The following PLEKHB2 variants were observed in gnomAD, a reference collection of about 807,000 sequenced individuals.
PLEKHB2 encodes pleckstrin homology domain-containing family B member 2.
A neutral mutation model predicts 36.5 loss-of-function variants in PLEKHB2; 31 were observed. That is an observed-to-expected ratio of 0.85 (90% CI 0.64 to 1.15). The LOEUF is 1.15. PLEKHB2 is among the 50% of genes most tolerant of loss of function. The pLI is 0.00. For synonymous variants in PLEKHB2, 119 were observed against 112.0 expected (o/e 1.06, Z -0.39); for missense variants, 262 against 295.3 (o/e 0.89, Z 0.83).
chr2:131,118,336 T>C (rs1696096223), intron 1 of PLEKHB2, among the ~76,000 whole-genome samples: 1 of 152,156 alleles, frequency 6.6e-6, no homozygotes, highest in East Asian at 1.9e-4. Context: ...ATAGCATGAA[T>C]TGAAAAAAAC....
At chr2:131,115,591 G>C (rs956764815) in intron 1 of PLEKHB2, among the ~76,000 whole-genome samples, 4 of 151,968 alleles carry the variant, frequency 2.6e-5, no homozygotes, top group African/African-American at 9.7e-5. Flanking sequence ...TTGATCTCGT[G>C]ATCCACCTGC....
chr2:131,126,529 A>G (rs1404338087), intron 3 of PLEKHB2, among the ~76,000 whole-genome samples, 155 bp from the exon 4 acceptor site: 2 of 152,122 alleles, frequency 1.3e-5, no homozygotes, highest in Admixed American at 6.5e-5. Flanking sequence ...CAGCCTAGCT[A>G]TGTTCTTTCT....
At chr2:131,138,518 C>G (rs1404186478) in intron 6 of PLEKHB2, among the ~76,000 whole-genome samples, 1 of 152,106 alleles carries the variant, frequency 6.6e-6, no homozygotes, top group Non-Finnish European at 1.5e-5. Context: ...TTTAGCAGAC[C>G]TCCTTCTGGG....
At position 131,114,423 on chromosome 2, in the gene PLEKHB2, T is replaced by C. The variant is rs114705002; in HGVS notation, c.-8-6511T>C. ...ACAGGCGTGAGCCATGGCCCATCCC[T>C]GCCCTGGAGACATTTTGCCCATTGT... On this transcript the variant is annotated intron_variant, in intron 1 of 7. Transcript: ENST00000693505. Among the ~76,000 whole-genome samples the C allele has an allele frequency of 9.1e-4, 139 of 152,350 alleles. 1 individual carries two copies. Among genetic ancestry groups the C allele is most frequent in the African/African-American group, 3.3e-3 (136 of 41,584 alleles).
At chr2:131,132,717 G>C (rs1697832034) in intron 5 of PLEKHB2, among the ~76,000 whole-genome samples, 185 bp from the exon 6 acceptor site, 1 of 152,214 alleles carries the variant, frequency 6.6e-6, no homozygotes, top group African/African-American at 2.4e-5. Flanking sequence ...CTTGCATTTA[G>C]AGGATACCAG....
At chr2:131,146,608 A>G in intron 7 of PLEKHB2, 29 bp from the exon 8 acceptor site, 1 of 1,594,774 alleles carries the variant, frequency 6.3e-7, no homozygotes. Context: ...ACCGCTGCTC[A>G]GAAATCTGCT....
chr2:131,126,951 T>G, intron 4 of PLEKHB2, 165 bp downstream of exon 4: 1 of 584,566 alleles, frequency 1.7e-6, no homozygotes, highest in South Asian at 2.1e-5. Flanking sequence ...CCAATTCTAG[T>G]TTCTGCCTCT....
chr2:131,131,191 G>A (rs1428016106), intron 5 of PLEKHB2, among the ~76,000 whole-genome samples: 2 of 152,186 alleles, frequency 1.3e-5, no homozygotes, highest in African/African-American at 2.4e-5. Context: ...TGGGCAGGGC[G>A]CCTTTTGCCA....
At chr2:131,124,881 G>A (rs1359859079) in intron 2 of PLEKHB2, among the ~76,000 whole-genome samples, 5 of 151,836 alleles carry the variant, frequency 3.3e-5, no homozygotes, top group Non-Finnish European at 7.4e-5. Flanking sequence ...CACCTCCTGC[G>A]TTCAAGCGAT....
At chr2:131,112,133 TC>T (rs1198185748) in intron 1 of PLEKHB2, among the ~76,000 whole-genome samples, 1 of 152,178 alleles carries the variant, frequency 6.6e-6, no homozygotes, top group Admixed American at 6.5e-5. Context: ...CCCCCAACCT[TC>T]CAGGAAGGAG....
At chr2:131,109,140 T>G (rs1004148687) in intron 1 of PLEKHB2, among the ~76,000 whole-genome samples, 1 of 152,054 alleles carries the variant, frequency 6.6e-6, no homozygotes, top group African/African-American at 2.4e-5. Context: ...CGAGACCAGC[T>G]TGGGCAACAT....
chr2:131,124,014 A>G (rs986044570), intron 2 of PLEKHB2, among the ~76,000 whole-genome samples: 4 of 151,160 alleles, frequency 2.6e-5, no homozygotes, highest in African/African-American at 9.7e-5. Context: ...ATGTCTGGCT[A>G]TTTTTCTCTT....
rs1183086936 is a variant in PLEKHB2, at chr2:131,149,784, A to G, written c.*3011A>G. 2 of 152,216 alleles carry G rather than the reference A, an allele frequency of 1.3e-5. No homozygotes were observed. Among genetic ancestry groups the G allele is most frequent in the Non-Finnish European group, 2.9e-5 (2 of 68,038 alleles). The allele number at this position is 152,216 out of a possible 1,614,324, so 9.4% of individuals were successfully genotyped here. A position where few individuals can be genotyped will look rare whatever the true frequency, so the allele number is the denominator to read the frequency against. On this transcript the variant is annotated 3_prime_UTR_variant, in exon 8 of 8. Coordinates refer to ENST00000693505, the MANE Select transcript of PLEKHB2 (RefSeq NM_001100623.2). ...GTCTAGAGAACTGATTTTTTCCTAC[A>G]TACGCAAATTGTACATTTGTAAGTG...
intron 7 of PLEKHB2, among the ~76,000 whole-genome samples, chr2:131,145,725 T>C (rs1456441196): frequency 6.6e-6 from 1 of 152,226 alleles, no homozygotes; most frequent in Non-Finnish European, 1.5e-5. Flanking sequence ...ACTTAGCTAC[T>C]AGGCATTATA....
chr2:131,127,919 C>A (rs937204892), intron 4 of PLEKHB2, among the ~76,000 whole-genome samples: 2 of 152,178 alleles, frequency 1.3e-5, no homozygotes, highest in Non-Finnish European at 2.9e-5. Context: ...CAGGACTCAT[C>A]ATTGCAGGGC....
At chr2:131,110,297 G>A (rs1008481237) in intron 1 of PLEKHB2, among the ~76,000 whole-genome samples, 1 of 149,900 alleles carries the variant, frequency 6.7e-6, no homozygotes, top group African/African-American at 2.5e-5. Flanking sequence ...GTAGTACTCG[G>A]TCCTGCTCCA....
intron 1 of PLEKHB2, among the ~76,000 whole-genome samples, chr2:131,111,315 T>C (rs958930348): frequency 4.6e-5 from 7 of 151,130 alleles, no homozygotes; most frequent in Non-Finnish European, 7.4e-5. Context: ...CAGCAGAATA[T>C]TTTATATTCC....
chr2:131,124,521 A>C (rs1232116713), intron 2 of PLEKHB2, among the ~76,000 whole-genome samples: 2 of 152,162 alleles, frequency 1.3e-5, no homozygotes, highest in African/African-American at 4.8e-5. Flanking sequence ...AGTTAAAGGA[A>C]ATTACTGTTT....
chr2:131,131,900 C>G (rs1192802214), intron 5 of PLEKHB2, among the ~76,000 whole-genome samples: 1 of 151,474 alleles, frequency 6.6e-6, no homozygotes, highest in Non-Finnish European at 1.5e-5. Flanking sequence ...GTGGAGCGAT[C>G]TCGGCTCACT....
Sources: gnomAD v4.1 joint callset for allele counts (sites outside exome capture counted in the v4.1 genomes callset) on GRCh38, gnomAD v4.1.1 for gene constraint, MANE v1.5 for transcripts, NCBI Gene and HGNC (gene_info 2026-07-23, HGNC 2026-07-21) for gene names.